CDH13: variants seen among roughly 807,000 people sequenced by gnomAD.
CDH13 encodes the protein cadherin 13, also known as cadherin-13.
In CDH13, 24 loss-of-function variants were observed where a neutral mutation model predicts 63.8. The observed-to-expected ratio is 0.38, with a 90% CI of 0.27 to 0.53. The LOEUF (loss-of-function observed/expected upper bound fraction) is 0.53, where lower values mean the gene tolerates loss of function less well. Ranked by LOEUF, CDH13 falls within the 20% of genes least tolerant of loss-of-function variation. The pLI, the probability that CDH13 is intolerant of heterozygous loss-of-function variation, is 0.85. For synonymous variants in CDH13, 503 were observed against 355.3 expected, an observed-to-expected ratio of 1.42 and a Z score of -4.67; for missense variants, 1,049 against 903.1, an observed-to-expected ratio of 1.16 and a Z score of -2.07.
Position 83,449,987 on chromosome 16 carries a change from A to G in CDH13, c.782-36490A>G, listed in dbSNP as rs146761117. ...GACTGAATCACCGGTCTTCGCTAGC[A>G]GGGCAGAGGCAGATAGTTCCCCCGC... On this transcript the variant is annotated intron_variant, in intron 6 of 13. Transcript: ENST00000567109. 4.7e-3 allele frequency among the ~76,000 whole-genome samples: 719 copies of G among 152,288 alleles called. 5 individuals carry two copies. The highest frequency in any genetic ancestry group is 0.016 in the African/African-American group (672 of 41,568).
At chr16:83,570,687 A>T (rs1904498300) in intron 7 of CDH13, among the ~76,000 whole-genome samples, 2 of 146,156 alleles carry the variant, frequency 1.4e-5, no homozygotes, top group Admixed American at 1.4e-4. Context: ...ATATAAAAAA[A>T]AATTTAAATT....
chr16:83,184,374 A>C (rs1482549180), intron 4 of CDH13, among the ~76,000 whole-genome samples: 1 of 152,118 alleles, frequency 6.6e-6, no homozygotes, highest in Non-Finnish European at 1.5e-5. Flanking sequence ...TCATTCCTCA[A>C]CCAACAGAGG....
chr16:82,896,871 C>T (rs1287663686), intron 2 of CDH13, among the ~76,000 whole-genome samples: 2 of 149,950 alleles, frequency 1.3e-5, no homozygotes, highest in Non-Finnish European at 3.0e-5. Flanking sequence ...AGCTCCGCCT[C>T]CCAGGTTCAC....
chr16:82,993,889 A>G (rs1911921199), intron 2 of CDH13, among the ~76,000 whole-genome samples: 1 of 152,184 alleles, frequency 6.6e-6, no homozygotes, highest in South Asian at 2.1e-4. Context: ...TTTGGTGCAC[A>G]GAGAGGGGGC....
At chr16:83,259,641 AT>A (rs201393522) in intron 5 of CDH13, among the ~76,000 whole-genome samples, 25 of 152,020 alleles carry the variant, frequency 1.6e-4, no homozygotes, top group East Asian at 1.2e-3. Context: ...TCAGTCTCAA[AT>A]TTTTTTTTAT....
intron 4 of CDH13, among the ~76,000 whole-genome samples, chr16:83,186,920 A>G (rs1355676649): frequency 6.6e-6 from 1 of 152,200 alleles, no homozygotes; most frequent in Admixed American, 6.5e-5. Context: ...GGAGACGGAG[A>G]TATTTTAATG....
chr16:83,384,413 C>T (rs758929152), intron 6 of CDH13, among the ~76,000 whole-genome samples: 1 of 152,142 alleles, frequency 6.6e-6, no homozygotes, highest in South Asian at 2.1e-4. Flanking sequence ...AATAGACTAC[C>T]GAGGCGAATT....
At chr16:83,263,190 A>G (rs1423145122) in intron 5 of CDH13, among the ~76,000 whole-genome samples, 3 of 152,248 alleles carry the variant, frequency 2.0e-5, no homozygotes, top group Non-Finnish European at 4.4e-5. Context: ...TTAGGAATCA[A>G]GTGATACAGG....
intron 2 of CDH13, among the ~76,000 whole-genome samples, chr16:82,923,125 C>T (rs188626308): frequency 2.0e-5 from 3 of 152,270 alleles, no homozygotes; most frequent in East Asian, 1.9e-4. Flanking sequence ...TAGACTTGCT[C>T]AATGCAGGGT....
At chr16:83,130,838 C>T (rs2036011967) in intron 4 of CDH13, among the ~76,000 whole-genome samples, 1 of 152,038 alleles carries the variant, frequency 6.6e-6, no homozygotes. Context: ...AACCTGAATT[C>T]CTGTAAAGAA....
intron 10 of CDH13, among the ~76,000 whole-genome samples, chr16:83,709,493 G>A (rs1455964512): frequency 3.3e-5 from 5 of 152,288 alleles, no homozygotes; most frequent in South Asian, 2.1e-4. Flanking sequence ...TGAGAAACAC[G>A]GCCTCTGCAC....
intron 7 of CDH13, among the ~76,000 whole-genome samples, chr16:83,512,300 G>T (rs1470149628): frequency 2.0e-5 from 3 of 149,964 alleles, no homozygotes; most frequent in Non-Finnish European, 4.4e-5. Context: ...TAGCCTGGCG[G>T]ACAGAGTGAA....
chr16:83,132,330 TC>T (rs2036088360), intron 4 of CDH13, among the ~76,000 whole-genome samples: 1 of 151,898 alleles, frequency 6.6e-6, no homozygotes, highest in Non-Finnish European at 1.5e-5. Flanking sequence ...ATTGCTGTCA[TC>T]CCTCTACCTC....
At chr16:83,634,873 T>G (rs560989127) in intron 8 of CDH13, among the ~76,000 whole-genome samples, 28 of 152,356 alleles carry the variant, frequency 1.8e-4, no homozygotes, top group African/African-American at 6.7e-4. Context: ...AGATTGAAGC[T>G]ACTGCAGTTA....
chr16:83,086,410 A>G (rs1159858213), intron 3 of CDH13, among the ~76,000 whole-genome samples: 3 of 152,280 alleles, frequency 2.0e-5, no homozygotes, highest in East Asian at 1.9e-4. Flanking sequence ...AATTCCTTCC[A>G]CTGGAGTTCT....
intron 6 of CDH13, among the ~76,000 whole-genome samples, chr16:83,361,699 C>G (rs1317423213): frequency 6.6e-6 from 1 of 152,062 alleles, no homozygotes; most frequent in East Asian, 1.9e-4. Flanking sequence ...TTTCCCATTG[C>G]TTATTTGTAT....
intron 5 of CDH13, among the ~76,000 whole-genome samples, chr16:83,335,541 C>A (rs1265268494): frequency 6.6e-6 from 1 of 152,036 alleles, no homozygotes; most frequent in African/African-American, 2.4e-5. Flanking sequence ...GAGACCATCC[C>A]TCATATTGTC....
intron 1 of CDH13, among the ~76,000 whole-genome samples, chr16:82,714,074 C>G (rs1050724710): frequency 1.3e-5 from 2 of 152,128 alleles, no homozygotes; most frequent in Non-Finnish European, 2.9e-5. Context: ...GCTGGAATTA[C>G]AGGTGTGAGC....
intron 1 of CDH13, among the ~76,000 whole-genome samples, chr16:82,657,726 T>C (rs984943335): frequency 2.6e-5 from 4 of 152,196 alleles, no homozygotes; most frequent in African/African-American, 9.6e-5. Flanking sequence ...CCTGATTTCA[T>C]TCATTCATTG....
Sources: allele counts gnomAD v4.1 joint callset (sites outside exome capture counted in the v4.1 genomes callset), GRCh38; gene constraint gnomAD v4.1.1; transcripts MANE v1.5; gene names NCBI Gene and HGNC (gene_info 2026-07-23, HGNC 2026-07-21).